The following LEPR variants were observed in gnomAD, a reference collection of about 807,000 sequenced individuals.
LEPR encodes OB receptor.
A neutral mutation model predicts 114.7 loss-of-function variants in LEPR; 56 were observed. The ratio of observed to expected loss-of-function variants is 0.49; its 90% CI spans 0.39 to 0.61. The LOEUF (loss-of-function observed/expected upper bound fraction) is 0.61. Among genes scored for constraint, LEPR ranks in the 20% least tolerant of loss-of-function variants. The probability of loss-of-function intolerance (pLI) is 0.00; values close to 1 mark genes in which losing one functional copy is unlikely to be tolerated. For synonymous variants in LEPR, 443 were observed against 461.4 expected (o/e 0.96, Z 0.51); for missense variants, 1,202 against 1,352.9 (o/e 0.89, Z 1.75).
chr1:65,550,737 G>A (rs903337332), intron 2 of LEPR, among the ~76,000 whole-genome samples: 12 of 152,132 alleles, frequency 7.9e-5, no homozygotes, highest in Non-Finnish European at 1.6e-4. Context: ...TTCCTTGACC[G>A]GGAAAGGGAA....
At chr1:65,481,678 A>C (rs764214528) in intron 2 of LEPR, among the ~76,000 whole-genome samples, 1 of 152,068 alleles carries the variant, frequency 6.6e-6, no homozygotes, top group African/African-American at 2.4e-5. Flanking sequence ...TATATTATTT[A>C]AAAGTAATTA....
At position 65,621,414 on chromosome 1, in the gene LEPR, C is replaced by T. The variant is rs964921565; in HGVS notation, c.2553C>T (p.Ser851=). 2.5e-6 allele frequency: 4 copies of T among 1,613,256 alleles called. No individual in the cohort carries two copies. The South Asian group carries it at 3.3e-5, about 13-fold the overall frequency. ...GLYVIVPVII[S]SSILLLGTLL... is the part of the protein sequence containing the mutation. ...ATGTAATTGTGCCAGTAATTATTTC[C>T]TCTTCCATCTTATTGCTTGGAACAT... is the stretch of plus-strand genomic sequence containing the variant. Residue 851 remains serine, a synonymous_variant, in exon 18 of 20, where the codon TCC becomes TCT. Transcript: ENST00000349533.
intron 2 of LEPR, among the ~76,000 whole-genome samples, chr1:65,512,143 C>T (rs1649066237): frequency 6.6e-6 from 1 of 152,094 alleles, no homozygotes; most frequent in African/African-American, 2.4e-5. Context: ...TCACTCATTA[C>T]AGCGAGGACA....
chr1:65,445,514 A>G (rs1416134865), intron 2 of LEPR, among the ~76,000 whole-genome samples: 1 of 152,168 alleles, frequency 6.6e-6, no homozygotes, highest in Non-Finnish European at 1.5e-5. Flanking sequence ...CTGTAATTTT[A>G]TCTTCCTTCT....
chr1:65,564,129 A>T (rs1300843306), intron 2 of LEPR, among the ~76,000 whole-genome samples: 4 of 146,388 alleles, frequency 2.7e-5, no homozygotes, highest in African/African-American at 1.0e-4. Context: ...AGCCTGGGCA[A>T]TGGTGGGCGC....
rs189230172 is a variant in LEPR at position 65,598,414 on chromosome 1, C to T, written c.850-246C>T. ...TAAAGGTCATATATTCATCATGATT[C>T]AATTAACAGTATTTGTTAATTATCA... On this transcript the variant is annotated intron_variant, in intron 7 of 19. Coordinates refer to ENST00000349533, the MANE Select transcript of LEPR (RefSeq NM_002303.6). Among the ~76,000 whole-genome samples, 975 of 152,146 alleles carry T rather than the reference C, an allele frequency of 6.4e-3. 4 individuals are homozygous for T. Among genetic ancestry groups the T allele is most frequent in the Non-Finnish European group, 8.9e-3 (607 of 68,000 alleles).
intron 14 of LEPR, among the ~76,000 whole-genome samples, chr1:65,613,577 C>A (rs1657318533): frequency 7.6e-6 from 1 of 131,314 alleles, no homozygotes; most frequent in Non-Finnish European, 1.6e-5. Context: ...CAAGGTGAAA[C>A]CCCGTCTCTA....
chr1:65,583,854 G>A (rs958915353), intron 5 of LEPR, among the ~76,000 whole-genome samples: 2 of 152,162 alleles, frequency 1.3e-5, no homozygotes, highest in Admixed American at 6.5e-5. Flanking sequence ...TGCTCTACAT[G>A]TTCAAGAATG....
intron 2 of LEPR, among the ~76,000 whole-genome samples, chr1:65,460,509 C>T (rs1384883241): frequency 6.6e-6 from 1 of 152,126 alleles, no homozygotes; most frequent in African/African-American, 2.4e-5. Flanking sequence ...CTCGTGCCCC[C>T]TACTCAGAAT....
Position 65,550,109 on chromosome 1 carries a change from C to A in LEPR, c.-20-15437C>A, listed in dbSNP as rs545890462. On this transcript the variant is annotated intron_variant, in intron 2 of 19. Coordinates refer to ENST00000349533, the MANE Select transcript of LEPR (RefSeq NM_002303.6). ...ACCCTGTTTGCCTGGGTATCAGCAGCAGTGTCTGCAGAACCGCGGATTTTC... is the reference window on the plus strand; with the variant it reads ...ACCCTGTTTGCCTGGGTATCAGCAGAAGTGTCTGCAGAACCGCGGATTTTC... 3.3e-5 allele frequency among the ~76,000 whole-genome samples: 5 copies of A among 152,318 alleles called. No homozygotes were observed. In the South Asian group the frequency reaches 6.2e-4, roughly 19 times the overall value.
intron 5 of LEPR, among the ~76,000 whole-genome samples, chr1:65,573,348 TCAGTTCAG>T (rs1181797924): frequency 6.6e-6 from 1 of 152,188 alleles, no homozygotes. Context: ...AAGAGTGAAC[TCAGTTCAG>T]GAGTGCTAGA....
chr1:65,620,688 A>G lies in LEPR; in HGVS notation c.2491+665A>G, dbSNP rs535886161. On this transcript the variant is annotated intron_variant, in intron 17 of 19. Coordinates refer to ENST00000349533, the MANE Select transcript of LEPR (RefSeq NM_002303.6). Reference sequence around the variant, plus strand: ...AGTAAGACCCTACTTGATATAGTCAATAGATTCTTGGAAACTGCAACTTTA... The same window carrying G: ...AGTAAGACCCTACTTGATATAGTCAGTAGATTCTTGGAAACTGCAACTTTA... Among the ~76,000 whole-genome samples, 7 of 152,336 alleles carry G rather than the reference A, an allele frequency of 4.6e-5. No homozygotes were observed. In the South Asian group the frequency reaches 6.2e-4, roughly 14 times the overall value.
At chr1:65,528,886 C>G (rs1269061535) in intron 2 of LEPR, among the ~76,000 whole-genome samples, 1 of 152,104 alleles carries the variant, frequency 6.6e-6, no homozygotes, top group Non-Finnish European at 1.5e-5. Flanking sequence ...CTCACTGCAA[C>G]CTCCGCCTCC....
chr1:65,431,216 C>G (rs192351769), intron 2 of LEPR, among the ~76,000 whole-genome samples: 1 of 152,098 alleles, frequency 6.6e-6, no homozygotes, highest in African/African-American at 2.4e-5. Flanking sequence ...TTTTTCCTTT[C>G]AATACTGCCA....
chr1:65,467,030 T>G (rs760093756), intron 2 of LEPR, among the ~76,000 whole-genome samples: 11 of 152,226 alleles, frequency 7.2e-5, no homozygotes, highest in Non-Finnish European at 5.9e-5. Flanking sequence ...AGCCTACTTC[T>G]GTCAACTGGT....
chr1:65,621,528 CT>C, intron 18 of LEPR, 70 bp downstream of exon 18: 1 of 1,290,348 alleles, frequency 7.7e-7, no homozygotes, highest in Non-Finnish European at 1.1e-6. Flanking sequence ...GATTTAAAAC[CT>C]TCTAAATTAG....
intron 2 of LEPR, among the ~76,000 whole-genome samples, chr1:65,556,178 C>T (rs921077003): frequency 4.6e-5 from 7 of 152,140 alleles, no homozygotes; most frequent in African/African-American, 1.4e-4. Flanking sequence ...AAGGCACCAT[C>T]TATGAGAAGT....
intron 2 of LEPR, among the ~76,000 whole-genome samples, chr1:65,483,066 G>A (rs774859949): frequency 6.6e-6 from 1 of 151,648 alleles, no homozygotes; most frequent in Non-Finnish European, 1.5e-5. Flanking sequence ...GGGAAATATT[G>A]CTTAGACAAA....
chr1:65,584,591 G>C (rs1181533096), intron 5 of LEPR, among the ~76,000 whole-genome samples: 1 of 152,038 alleles, frequency 6.6e-6, no homozygotes, highest in Non-Finnish European at 1.5e-5. Flanking sequence ...TTTGCTCAGT[G>C]CTAGAATACA....
Sources: gnomAD v4.1 joint callset for allele counts (sites outside exome capture counted in the v4.1 genomes callset) on GRCh38, gnomAD v4.1.1 for gene constraint, MANE v1.5 for transcripts, NCBI Gene and HGNC (gene_info 2026-07-23, HGNC 2026-07-21) for gene names.